DAB1: variants seen among roughly 807,000 people sequenced by gnomAD.
DAB1 encodes the protein disabled homolog 1.
In DAB1, 15 loss-of-function variants were observed where a neutral mutation model predicts 64.6. That is an observed-to-expected ratio of 0.23 (90% CI 0.16 to 0.36). The LOEUF (loss-of-function observed/expected upper bound fraction) is 0.36. Ranked by LOEUF, DAB1 falls within the 10% of genes least tolerant of loss-of-function variation. The pLI is 1.00. For synonymous variants in DAB1, 235 were observed against 251.9 expected (o/e 0.93, Z 0.64); for missense variants, 596 against 706.7 (o/e 0.84, Z 1.78).
intron 5 of DAB1, among the ~76,000 whole-genome samples, chr1:57,890,046 G>A (rs183772979): frequency 3.5e-4 from 53 of 152,236 alleles, no homozygotes; most frequent in African/African-American, 1.1e-3. Context: ...ATAGAAAGCA[G>A]GAAGAGTGGC....
chr1:57,076,442 A>G (rs1257790329), intron 4 of DAB1, among the ~76,000 whole-genome samples: 15 of 152,190 alleles, frequency 9.9e-5, no homozygotes, highest in South Asian at 4.1e-4. Context: ...AGCTTTATGT[A>G]TTCTCCCCAT....
At chr1:57,732,227 C>T (rs1420861103) in intron 6 of DAB1, among the ~76,000 whole-genome samples, 2 of 152,166 alleles carry the variant, frequency 1.3e-5, no homozygotes, top group Non-Finnish European at 2.9e-5. Flanking sequence ...ATGGCCTCAC[C>T]TGGAAGATGC....
intron 7 of DAB1, among the ~76,000 whole-genome samples, chr1:57,550,162 A>G (rs940535260): frequency 2.6e-5 from 4 of 152,194 alleles, no homozygotes; most frequent in African/African-American, 9.7e-5. Flanking sequence ...TGAGGATAAT[A>G]GTACCTTCCT....
intron 9 of DAB1, among the ~76,000 whole-genome samples, chr1:57,049,674 G>A (rs1648975869): frequency 6.6e-6 from 1 of 151,838 alleles, no homozygotes; most frequent in Non-Finnish European, 1.5e-5. Context: ...CCTGCCCCTA[G>A]GCTACACCCA....
At chr1:57,620,660 T>C (rs1407276541) in intron 7 of DAB1, among the ~76,000 whole-genome samples, 1 of 152,130 alleles carries the variant, frequency 6.6e-6, no homozygotes, top group Non-Finnish European at 1.5e-5. Flanking sequence ...ACCTAAAAGA[T>C]GTGCTGCCTG....
chr1:58,509,527 C>T (rs1444106469), intron 2 of DAB1, among the ~76,000 whole-genome samples: 2 of 130,350 alleles, frequency 1.5e-5, no homozygotes, highest in Non-Finnish European at 3.3e-5. Context: ...TAATGATAAA[C>T]ACCTACATTA....
At chr1:58,539,441 A>G (rs1646569055) in intron 1 of DAB1, 1 of 602,612 alleles carries the variant, frequency 1.7e-6, no homozygotes, top group African/African-American at 1.9e-5. Flanking sequence ...TTGGGTTTCA[A>G]CTCATCACCC....
intron 1 of DAB1, among the ~76,000 whole-genome samples, chr1:57,331,553 C>A (rs1373244594): frequency 6.6e-6 from 1 of 152,202 alleles, no homozygotes; most frequent in Non-Finnish European, 1.5e-5. Flanking sequence ...AACATCTCTC[C>A]TGACACCCTT....
intron 7 of DAB1, among the ~76,000 whole-genome samples, chr1:57,546,979 G>T (rs1328265549): frequency 6.6e-6 from 1 of 151,980 alleles, no homozygotes; most frequent in African/African-American, 2.4e-5. Context: ...TCTATTTAAA[G>T]CATATTAATC....
intron 6 of DAB1, among the ~76,000 whole-genome samples, chr1:57,746,230 T>C (rs1304683093): frequency 1.3e-5 from 2 of 152,208 alleles, no homozygotes; most frequent in African/African-American, 4.8e-5. Context: ...TATCTGTATG[T>C]GTGTATTTTC....
At chr1:57,022,868 C>T (rs1194366769) in intron 11 of DAB1, among the ~76,000 whole-genome samples, 1 of 152,286 alleles carries the variant, frequency 6.6e-6, no homozygotes, top group Non-Finnish European at 1.5e-5. Context: ...TGGAACGCCT[C>T]ATGCCATGGA....
chr1:58,495,075 A>G (rs1419412922), intron 3 of DAB1, among the ~76,000 whole-genome samples: 1 of 152,230 alleles, frequency 6.6e-6, no homozygotes, highest in East Asian at 1.9e-4. Flanking sequence ...TACAGCATGG[A>G]ATACTATGCA....
chr1:57,437,531 A>G (rs1006290651), intron 7 of DAB1, among the ~76,000 whole-genome samples: 5 of 152,246 alleles, frequency 3.3e-5, no homozygotes, highest in Admixed American at 6.5e-5. Context: ...AGACCTGATA[A>G]GTAATTTGAA....
At chr1:58,418,121 C>T (rs939706468) in intron 3 of DAB1, among the ~76,000 whole-genome samples, 2 of 152,198 alleles carry the variant, frequency 1.3e-5, no homozygotes, top group African/African-American at 4.8e-5. Flanking sequence ...CTCTCCTGTG[C>T]CTGAGACCCT....
At chr1:57,722,045 T>C (rs990135522) in intron 6 of DAB1, among the ~76,000 whole-genome samples, 1 of 152,210 alleles carries the variant, frequency 6.6e-6, no homozygotes, top group Non-Finnish European at 1.5e-5. Flanking sequence ...CAGGTCAGTG[T>C]TGATGTGCAG....
chr1:58,054,470 A>G (rs941868604), intron 5 of DAB1, among the ~76,000 whole-genome samples: 6 of 152,230 alleles, frequency 3.9e-5, no homozygotes, highest in African/African-American at 1.2e-4. Context: ...AGCATGGACC[A>G]CTAAATTAAC....
intron 4 of DAB1, among the ~76,000 whole-genome samples, chr1:58,300,645 AGAGGAAGGAAGGAAGGAAGGAAGG>A (rs1662140109): frequency 1.8e-5 from 1 of 55,806 alleles, no homozygotes; most frequent in African/African-American, 7.0e-5. Context: ...AGAGAGAGAG[AGAGGAAGGAAGGAAGGAAGGAAGG>A]AAGGAAGGAA....
At chr1:57,024,420 C>G (rs372375177) in intron 10 of DAB1, among the ~76,000 whole-genome samples, 17 of 152,224 alleles carry the variant, frequency 1.1e-4, no homozygotes, top group African/African-American at 3.6e-4. Context: ...CAGGCTTTTG[C>G]CTACAGAGTG....
At chr1:57,783,245 G>T (rs888434143) in intron 6 of DAB1, among the ~76,000 whole-genome samples, 4 of 151,554 alleles carry the variant, frequency 2.6e-5, no homozygotes, top group Admixed American at 2.6e-4. Context: ...GAATAGCTGG[G>T]ACTAGAGGCA....
Sources: gnomAD v4.1 joint callset for allele counts (sites outside exome capture counted in the v4.1 genomes callset) on GRCh38, gnomAD v4.1.1 for gene constraint, MANE v1.5 for transcripts, NCBI Gene and HGNC (gene_info 2026-07-23, HGNC 2026-07-21) for gene names.